The following KDM6A variants were observed in gnomAD, a reference collection of about 807,000 sequenced individuals.
KDM6A encodes lysine-specific demethylase 6A.
A neutral mutation model predicts 117.6 loss-of-function variants in KDM6A; 11 were observed. That is an observed-to-expected ratio of 0.09 (90% CI 0.06 to 0.15). KDM6A has a LOEUF of 0.15. KDM6A is among the 10% of genes least tolerant of loss of function. KDM6A has a pLI of 1.00. For missense variants in KDM6A, 799 were observed against 1,077.3 expected, an observed-to-expected ratio of 0.74 and a Z score of 3.62; for synonymous variants, 384 against 396.1, an observed-to-expected ratio of 0.97 and a Z score of 0.36.
intron 2 of KDM6A, among the ~76,000 whole-genome samples, chrX:44,931,516 ATAT>A (rs1301235014): frequency 8.9e-6 from 1 of 112,021 alleles, no homozygotes; most frequent in Non-Finnish European, 1.9e-5. Flanking sequence ...ATACAGTGAA[ATAT>A]TATGCAGCCC....
chrX:45,101,399 C>T (rs2046335940), intron 27 of KDM6A, among the ~76,000 whole-genome samples: 1 of 111,138 alleles, frequency 9.0e-6, no homozygotes, highest in African/African-American at 3.3e-5. Flanking sequence ...ATAGAAACCC[C>T]AATTACCTTC....
intron 4 of KDM6A, among the ~76,000 whole-genome samples, chrX:44,975,669 C>A (rs748857390): frequency 9.0e-6 from 1 of 111,711 alleles, no homozygotes; most frequent in African/African-American, 3.3e-5. Flanking sequence ...GCTGTTTTAA[C>A]TATACAAATC....
chrX:44,934,841 C>G (rs2036876303), intron 2 of KDM6A, among the ~76,000 whole-genome samples: 1 of 110,696 alleles, frequency 9.0e-6, no homozygotes, highest in Non-Finnish European at 1.9e-5. Flanking sequence ...GGAGTAGATC[C>G]TATATAGATG....
intron 6 of KDM6A, among the ~76,000 whole-genome samples, chrX:45,026,399 T>C (rs1475762428): frequency 2.7e-5 from 3 of 112,141 alleles, no homozygotes; most frequent in African/African-American, 9.7e-5. Context: ...CCAAGATATT[T>C]AGGCAGAAGG....
intron 3 of KDM6A, among the ~76,000 whole-genome samples, chrX:44,963,440 AGTGTGTGTGTGTGTGTGTGT>A (rs747821170): frequency 1.4e-5 from 1 of 69,878 alleles, no homozygotes; most frequent in Non-Finnish European, 2.6e-5. Context: ...AGGGTGACAG[AGTGTGTGTGTGTGTGTGTGT>A]GTGTGTGTGT....
At chrX:44,903,880 T>G (rs948524879) in intron 2 of KDM6A, among the ~76,000 whole-genome samples, 3 of 112,278 alleles carry the variant, frequency 2.7e-5, no homozygotes, top group Non-Finnish European at 5.6e-5. Flanking sequence ...AAGATGTTTT[T>G]CATATTTTTG....
At chrX:44,890,395 T>C (rs2033241688) in intron 2 of KDM6A, among the ~76,000 whole-genome samples, 1 of 111,933 alleles carries the variant, frequency 8.9e-6, no homozygotes, top group Non-Finnish European at 1.9e-5. Flanking sequence ...ATAAGTTTTC[T>C]CTGGGCTACG....
chrX:45,090,706 G>GTT lies in KDM6A; in HGVS notation c.3893-7_3893-6dup, dbSNP rs748438075. On this transcript the variant is annotated splice_polypyrimidine_tract_variant and intron_variant, in intron 26 of 29. Coordinates refer to ENST00000611820, the MANE Select transcript of KDM6A (RefSeq NM_001291415.2). ...TGGTACTTTGGGTTGCTTTATAACTGTTTTTTTTTTTCCTAGCCTGCCAGT... is the reference window on the plus strand; with the variant it reads ...TGGTACTTTGGGTTGCTTTATAACTGTTTTTTTTTTTTTCCTAGCCTGCCAGT... 8.6e-6 allele frequency: 8 copies of GTT among 927,548 alleles called. No individual in the cohort carries two copies. The highest frequency in any genetic ancestry group is 7.9e-5 in the East Asian group (2 of 25,264). The allele number at this position is 927,548 out of a possible 1,213,427, so 76.4% of individuals were successfully genotyped here. A position where few individuals can be genotyped will look rare whatever the true frequency, so the allele number is the denominator to read the frequency against.
intron 2 of KDM6A, among the ~76,000 whole-genome samples, chrX:44,950,237 A>T (rs919164200): frequency 4.5e-5 from 5 of 110,522 alleles, no homozygotes; most frequent in Admixed American, 3.9e-4. Flanking sequence ...CCTGGTCTCG[A>T]ACTCCTGACA....
chrX:45,107,413 T>C lies in KDM6A; in HGVS notation c.4038T>C (p.Tyr1346=), dbSNP rs756881348. The part of the protein sequence containing the change: ...SDPKLFEMIK[Y]CLLRTLKQCQ... ...AATAATTTCTCCCCCACAATAGGTA[T>C]TGTCTTCTAAGAACTCTGAAGCAAT... The change falls in exon 28 of 30, where the codon TAT becomes TAC. Residue 1346 remains tyrosine, a synonymous_variant. Transcript: ENST00000611820. 4 of 1,207,987 alleles carry C rather than the reference T, an allele frequency of 3.3e-6. No individual in the cohort carries two copies. In the Admixed American group the frequency reaches 8.7e-5, roughly 26 times the overall value.
intron 9 of KDM6A, among the ~76,000 whole-genome samples, chrX:45,053,089 G>T (rs1444445487): frequency 9.0e-6 from 1 of 111,519 alleles, no homozygotes; most frequent in African/African-American, 3.3e-5. Context: ...TGATTCTATA[G>T]CCTTATATTT....
chrX:44,983,478 A>G (rs927050751), intron 4 of KDM6A, among the ~76,000 whole-genome samples: 1 of 110,655 alleles, frequency 9.0e-6, no homozygotes, highest in Non-Finnish European at 1.9e-5. Context: ...TTAGTTACAT[A>G]TGTATACATG....
intron 4 of KDM6A, among the ~76,000 whole-genome samples, chrX:44,998,375 T>TA (rs766071263): frequency 8.9e-6 from 1 of 111,955 alleles, no homozygotes; most frequent in South Asian, 3.7e-4. Flanking sequence ...GGTCAACTGG[T>TA]AAGATTGTTA....
chrX:44,898,791 G>C (rs1569380104), intron 2 of KDM6A, among the ~76,000 whole-genome samples: 1 of 110,214 alleles, frequency 9.1e-6, no homozygotes, highest in African/African-American at 3.3e-5. Flanking sequence ...TCAATTCCCT[G>C]TTTTGTCTTG....
chrX:45,003,556 G>A (rs767464345), intron 4 of KDM6A, among the ~76,000 whole-genome samples: 1 of 110,484 alleles, frequency 9.1e-6, no homozygotes, highest in South Asian at 3.9e-4. Flanking sequence ...AGTGCTTTTG[G>A]GCTATGCCCT....
At chrX:45,109,713 C>G (rs2046696859) in intron 28 of KDM6A, among the ~76,000 whole-genome samples, 1 of 111,398 alleles carries the variant, frequency 9.0e-6, no homozygotes, top group Admixed American at 9.6e-5. Context: ...TTTCTAAAAT[C>G]ATGCTGTACT....
intron 2 of KDM6A, among the ~76,000 whole-genome samples, chrX:44,911,315 C>T (rs1388151910): frequency 4.8e-5 from 5 of 104,960 alleles, no homozygotes; most frequent in African/African-American, 1.1e-4. Context: ...TCAGACGGGG[C>T]GGCTGCCGGG....
chrX:45,036,951 C>T (rs1221306525), intron 7 of KDM6A, among the ~76,000 whole-genome samples: 1 of 112,784 alleles, frequency 8.9e-6, no homozygotes, highest in Non-Finnish European at 1.9e-5. Flanking sequence ...ACAGTTTGAA[C>T]CATCATGAGT....
chrX:44,986,519 A>G (rs1267560349), intron 4 of KDM6A, among the ~76,000 whole-genome samples: 1 of 111,338 alleles, frequency 9.0e-6, no homozygotes, highest in African/African-American at 3.3e-5. Flanking sequence ...TCAAGTTTAG[A>G]TCTTTCCTGC....
Sources: allele counts gnomAD v4.1 joint callset (sites outside exome capture counted in the v4.1 genomes callset), GRCh38; gene constraint gnomAD v4.1.1; transcripts MANE v1.5; gene names NCBI Gene and HGNC (gene_info 2026-07-23, HGNC 2026-07-21).